PRKG1: variants seen among roughly 807,000 people sequenced by gnomAD.
PRKG1 encodes cGMP-dependent protein kinase 1.
A neutral mutation model predicts 88.1 loss-of-function variants in PRKG1; 35 were observed. That is an observed-to-expected ratio of 0.40 (90% CI 0.30 to 0.53). The LOEUF (loss-of-function observed/expected upper bound fraction) is 0.53. PRKG1 is among the 20% of genes least tolerant of loss of function. The probability of loss-of-function intolerance (pLI) is 0.59; values close to 1 mark genes in which losing one functional copy is unlikely to be tolerated. For missense variants in PRKG1, 540 were observed against 839.8 expected (o/e 0.64, Z 4.41); for synonymous variants, 303 against 292.5 (o/e 1.04, Z -0.37).
intron 7 of PRKG1, among the ~76,000 whole-genome samples, chr10:52,068,808 C>T (rs534608873): frequency 6.6e-6 from 1 of 152,310 alleles, no homozygotes; most frequent in East Asian, 1.9e-4. Flanking sequence ...TTTCAGCAAG[C>T]CAGTTAAGCT....
intron 2 of PRKG1, among the ~76,000 whole-genome samples, chr10:51,462,670 C>G (rs986567300): frequency 2.6e-5 from 4 of 152,120 alleles, no homozygotes; most frequent in Non-Finnish European, 5.9e-5. Flanking sequence ...AAAGTGCATT[C>G]AAGTTACCAT....
Position 51,996,314 on chromosome 10 carries a change from C to CAAAAAAAAAAA in PRKG1, c.763-58152_763-58142dup, listed in dbSNP as rs59174399. Among the ~76,000 whole-genome samples the CAAAAAAAAAAA allele has an allele frequency of 3.3e-4, 10 of 30,026 alleles. 1 individual carries two copies. Among genetic ancestry groups the CAAAAAAAAAAA allele is most frequent in the African/African-American group, 3.0e-4 (2 of 6,706 alleles). The allele number at this position is 30,026 out of a possible 152,430, so 19.7% of individuals were successfully genotyped here. The stretch of plus-strand genomic sequence containing the variant: ...TAGGTGACAGAGTGAGACTCCATCT[C>CAAAAAAAAAAA]AAAAAAAAAAAAAAAAAAAAAAAAA... On this transcript the variant is annotated intron_variant, in intron 5 of 17. Coordinates refer to ENST00000373980, the MANE Select transcript of PRKG1 (RefSeq NM_006258.4).
At chr10:51,665,072 A>C (rs1840390059) in intron 3 of PRKG1, among the ~76,000 whole-genome samples, 1 of 152,146 alleles carries the variant, frequency 6.6e-6, no homozygotes, top group Admixed American at 6.6e-5. Flanking sequence ...TCTGAGTACA[A>C]ATCTCTTACT....
chr10:52,036,898 A>G (rs1310516629), intron 5 of PRKG1, among the ~76,000 whole-genome samples: 1 of 152,186 alleles, frequency 6.6e-6, no homozygotes, highest in East Asian at 1.9e-4. Context: ...CTTGAAAAGA[A>G]GGTAATGTGG....
chr10:51,590,231 A>G (rs1442958167), intron 3 of PRKG1, among the ~76,000 whole-genome samples: 1 of 152,170 alleles, frequency 6.6e-6, no homozygotes, highest in East Asian at 1.9e-4. Flanking sequence ...GTTGGAAAGC[A>G]GAAAAGCACC....
At chr10:52,267,742 T>G (rs1841614400) in intron 10 of PRKG1, among the ~76,000 whole-genome samples, 1 of 152,112 alleles carries the variant, frequency 6.6e-6, no homozygotes, top group South Asian at 2.1e-4. Context: ...CTTTTATTCA[T>G]ATATATGTCT....
intron 1 of PRKG1, among the ~76,000 whole-genome samples, chr10:51,023,398 G>A (rs918593955): frequency 3.9e-5 from 6 of 152,188 alleles, no homozygotes; most frequent in Admixed American, 1.3e-4. Context: ...CATTGGGAAA[G>A]TCATGGCCCT....
chr10:51,860,564 A>T (rs996152799), intron 4 of PRKG1, among the ~76,000 whole-genome samples: 3 of 152,178 alleles, frequency 2.0e-5, no homozygotes, highest in Non-Finnish European at 4.4e-5. Flanking sequence ...AAAAGTCTGC[A>T]CTACTTGGTG....
intron 2 of PRKG1, among the ~76,000 whole-genome samples, chr10:51,278,366 T>C (rs566664910): frequency 6.6e-6 from 1 of 152,364 alleles, no homozygotes; most frequent in African/African-American, 2.4e-5. Flanking sequence ...CCGTATTCTG[T>C]TGAGGATTTT....
At chr10:51,253,308 A>G (rs1839473151) in intron 2 of PRKG1, among the ~76,000 whole-genome samples, 1 of 151,916 alleles carries the variant, frequency 6.6e-6, no homozygotes, top group African/African-American at 2.4e-5. Context: ...GAGGTTAGAA[A>G]ACTACAAATC....
intron 3 of PRKG1, among the ~76,000 whole-genome samples, chr10:51,718,544 A>G (rs1018040418): frequency 6.6e-6 from 1 of 152,210 alleles, no homozygotes; most frequent in African/African-American, 2.4e-5. Context: ...CAAACAAGTG[A>G]CACATAGAAT....
chr10:51,330,000 T>C (rs1343397653), intron 2 of PRKG1, among the ~76,000 whole-genome samples: 1 of 150,786 alleles, frequency 6.6e-6, no homozygotes, highest in Non-Finnish European at 1.5e-5. Flanking sequence ...TACATCATTC[T>C]CCAGATTGAG....
rs151038854 is a variant in PRKG1, at chr10:51,979,015, A to T, written c.762+71445A>T. On this transcript the variant is annotated intron_variant, in intron 5 of 17. Transcript: ENST00000373980. ...TATTATGTTGAATTGGAGTGGTGAG[A>T]GACAGCATCTTTGTCTTGTGCTGGT... Among the ~76,000 whole-genome samples, 8 of 152,154 alleles carry T rather than the reference A, an allele frequency of 5.3e-5. No homozygotes were observed. The East Asian group carries it at 1.4e-3, about 26-fold the overall frequency.
chr10:51,724,287 C>T (rs1842080653), intron 3 of PRKG1, among the ~76,000 whole-genome samples: 1 of 152,136 alleles, frequency 6.6e-6, no homozygotes. Flanking sequence ...AATATATTTG[C>T]TGATATGGAA....
intron 5 of PRKG1, among the ~76,000 whole-genome samples, chr10:51,995,880 G>A (rs1042801509): frequency 6.6e-6 from 1 of 151,940 alleles, no homozygotes; most frequent in Non-Finnish European, 1.5e-5. Context: ...AAACATAGGC[G>A]GAAGCTCCAG....
intron 3 of PRKG1, among the ~76,000 whole-genome samples, chr10:51,628,458 C>T (rs898702225): frequency 6.6e-6 from 1 of 151,974 alleles, no homozygotes; most frequent in Non-Finnish European, 1.5e-5. Flanking sequence ...CCACTACCCC[C>T]AGCCTGGTCT....
At chr10:52,075,682 T>C (rs961995801) in intron 7 of PRKG1, among the ~76,000 whole-genome samples, 44 of 152,330 alleles carry the variant, frequency 2.9e-4, no homozygotes, top group African/African-American at 1.0e-3. Context: ...AGAAATTTAT[T>C]TTCTCACAGT....
At chr10:51,745,980 A>G (rs186728276) in intron 3 of PRKG1, among the ~76,000 whole-genome samples, 9 of 152,232 alleles carry the variant, frequency 5.9e-5, no homozygotes, top group African/African-American at 2.2e-4. Context: ...AAGTTGCTCG[A>G]CTACAGGCAC....
intron 3 of PRKG1, among the ~76,000 whole-genome samples, chr10:51,756,092 A>G (rs1269817544): frequency 6.6e-6 from 1 of 152,250 alleles, no homozygotes; most frequent in Non-Finnish European, 1.5e-5. Context: ...TCAAAGTGTT[A>G]GATAACATTG....
Sources: gnomAD v4.1 joint callset for allele counts (sites outside exome capture counted in the v4.1 genomes callset) on GRCh38, gnomAD v4.1.1 for gene constraint, MANE v1.5 for transcripts, NCBI Gene and HGNC (gene_info 2026-07-23, HGNC 2026-07-21) for gene names.